FBXO11: variants seen among roughly 807,000 people sequenced by gnomAD.
FBXO11 encodes F-box protein 11.
In FBXO11, 13 loss-of-function variants were observed where a neutral mutation model predicts 117.0. The ratio of observed to expected loss-of-function variants is 0.11; its 90% CI spans 0.07 to 0.18. The LOEUF is 0.18. Ranked by LOEUF, FBXO11 falls within the 10% of genes least tolerant of loss-of-function variation. The pLI is 1.00. For synonymous variants in FBXO11, 490 were observed against 380.5 expected, an observed-to-expected ratio of 1.29 and a Z score of -3.35; for missense variants, 767 against 1,164.4, an observed-to-expected ratio of 0.66 and a Z score of 4.97.
At chr2:47,903,818 GGAA>G (rs765538899) in intron 1 of FBXO11, among the ~76,000 whole-genome samples, 22 of 152,094 alleles carry the variant, frequency 1.4e-4, no homozygotes, top group African/African-American at 3.1e-4. Flanking sequence ...TGGCAATTCT[GGAA>G]GAAGAACATT....
intron 1 of FBXO11, among the ~76,000 whole-genome samples, chr2:47,863,055 C>CAAAAAAAAAAAAAAAAA (rs763187950): frequency 2.7e-5 from 2 of 73,952 alleles, no homozygotes; most frequent in African/African-American, 5.0e-5. Flanking sequence ...AACTGTGTCT[C>CAAAAAAAAAAAAAAAAA]AAAAAAAAAA....
intron 1 of FBXO11, among the ~76,000 whole-genome samples, chr2:47,843,233 T>C (rs1365803581): frequency 6.6e-6 from 1 of 152,212 alleles, no homozygotes; most frequent in Non-Finnish European, 1.5e-5. Context: ...GTAAACGTCC[T>C]ATGTGTGCTT....
At chr2:47,885,318 G>C (rs1336086280) in intron 1 of FBXO11, among the ~76,000 whole-genome samples, 1 of 152,218 alleles carries the variant, frequency 6.6e-6, no homozygotes, top group Non-Finnish European at 1.5e-5. Flanking sequence ...TGTAAGCCAG[G>C]TGCGGTGGCT....
chr2:47,843,923 T>C (rs1020600424), intron 1 of FBXO11, among the ~76,000 whole-genome samples: 6 of 152,090 alleles, frequency 3.9e-5, no homozygotes, highest in African/African-American at 1.2e-4. Flanking sequence ...GTATTTTTAA[T>C]AGAGACGGGG....
At chr2:47,809,838 A>C in intron 19 of FBXO11, 131 bp from the exon 20 acceptor site, 1 of 595,572 alleles carries the variant, frequency 1.7e-6, no homozygotes, top group East Asian at 2.9e-5. Flanking sequence ...ACTGAATAAA[A>C]TGTAGATACC....
intron 1 of FBXO11, among the ~76,000 whole-genome samples, chr2:47,895,053 G>C (rs1677552861): frequency 6.6e-6 from 1 of 152,048 alleles, no homozygotes; most frequent in African/African-American, 2.4e-5. Context: ...AGCTGTTTTA[G>C]TTTCCATTTC....
intron 11 of FBXO11, among the ~76,000 whole-genome samples, chr2:47,831,805 C>T (rs1476493137): frequency 6.6e-6 from 1 of 152,142 alleles, no homozygotes; most frequent in Non-Finnish European, 1.5e-5. Flanking sequence ...ATATTAACTG[C>T]TGCATAATGG....
chr2:47,841,944 A>G (rs1197633677), intron 1 of FBXO11, among the ~76,000 whole-genome samples: 1 of 149,050 alleles, frequency 6.7e-6, no homozygotes, highest in Non-Finnish European at 1.5e-5. Context: ...CGGCCAAATT[A>G]TTTTTTAAAA....
At chr2:47,834,911 C>T in intron 5 of FBXO11, 40 bp from the exon 6 acceptor site, 2 of 1,373,200 alleles carry the variant, frequency 1.5e-6, no homozygotes, top group Non-Finnish European at 2.0e-6. Flanking sequence ...TGACTACTAA[C>T]ATAAACCTTA....
chr2:47,828,300 C>A (rs1186100700), intron 11 of FBXO11, among the ~76,000 whole-genome samples: 1 of 152,152 alleles, frequency 6.6e-6, no homozygotes, highest in Non-Finnish European at 1.5e-5. Context: ...TCTTTTAATG[C>A]AAACCACAAA....
At chr2:47,882,947 C>A (rs567298266) in intron 1 of FBXO11, among the ~76,000 whole-genome samples, 1 of 152,292 alleles carries the variant, frequency 6.6e-6, no homozygotes, top group Non-Finnish European at 1.5e-5. Context: ...CCATGCCCAG[C>A]CATTTGCTTT....
intron 1 of FBXO11, among the ~76,000 whole-genome samples, chr2:47,901,011 A>G (rs1678206888): frequency 6.9e-6 from 1 of 143,962 alleles, no homozygotes; most frequent in Admixed American, 6.9e-5. Flanking sequence ...GGGGAGATAT[A>G]TATATTTATG....
At chr2:47,836,535 C>T (rs1672573736) in intron 4 of FBXO11, among the ~76,000 whole-genome samples, 1 of 151,898 alleles carries the variant, frequency 6.6e-6, no homozygotes, top group Non-Finnish European at 1.5e-5. Flanking sequence ...AGGCTGGTCT[C>T]GAACTCTGGA....
chr2:47,849,392 C>T (rs1382670773), intron 1 of FBXO11, among the ~76,000 whole-genome samples: 2 of 152,098 alleles, frequency 1.3e-5, no homozygotes, highest in Non-Finnish European at 2.9e-5. Flanking sequence ...CAGTTATTAA[C>T]ACACATACGT....
chr2:47,856,276 A>G (rs1049673512), intron 1 of FBXO11, among the ~76,000 whole-genome samples: 1 of 152,252 alleles, frequency 6.6e-6, no homozygotes, highest in African/African-American at 2.4e-5. Context: ...ACAGAGACTT[A>G]TAAAGTTAAT....
At chr2:47,900,489 G>C (rs920837093) in intron 1 of FBXO11, among the ~76,000 whole-genome samples, 17 of 151,616 alleles carry the variant, frequency 1.1e-4, no homozygotes, top group African/African-American at 4.1e-4. Context: ...AGTGTCTCCT[G>C]GCTGCTGCAT....
intron 21 of FBXO11, chr2:47,808,864 CTT>C: frequency 3.5e-6 from 1 of 286,712 alleles, no homozygotes; most frequent in East Asian, 6.9e-5. Flanking sequence ...TAGTTATGGT[CTT>C]TGTTTTGTTT....
At chr2:47,898,023 T>C in intron 1 of FBXO11, among the ~76,000 whole-genome samples, 1 of 152,134 alleles carries the variant, frequency 6.6e-6, no homozygotes, top group Non-Finnish European at 1.5e-5. Flanking sequence ...AGAAAACAAT[T>C]TTCTCCCCTT....
At chr2:47,902,305 T>C (rs1401391747) in intron 1 of FBXO11, among the ~76,000 whole-genome samples, 1 of 152,212 alleles carries the variant, frequency 6.6e-6, no homozygotes, top group Non-Finnish European at 1.5e-5. Context: ...AGCTAATGAT[T>C]AGGCTAGTAT....
Sources: allele counts gnomAD v4.1 joint callset (sites outside exome capture counted in the v4.1 genomes callset), GRCh38; gene constraint gnomAD v4.1.1; transcripts MANE v1.5; gene names NCBI Gene and HGNC (gene_info 2026-07-23, HGNC 2026-07-21).